MAPK10: variants seen among roughly 807,000 people sequenced by gnomAD.
MAPK10 encodes mitogen-activated protein kinase 10, also known as JNK3 alpha protein kinase.
MAPK10 carries 25 observed loss-of-function variants against 59.3 expected under a neutral mutation model. The ratio of observed to expected loss-of-function variants is 0.42; its 90% CI spans 0.31 to 0.59. MAPK10 has a LOEUF of 0.59. Ranked by LOEUF, MAPK10 falls within the 20% of genes least tolerant of loss-of-function variation. The pLI, the probability that MAPK10 is intolerant of heterozygous loss-of-function variation, is 0.15. For missense variants in MAPK10, 351 were observed against 568.9 expected (o/e 0.62, Z 3.90); for synonymous variants, 190 against 200.5 (o/e 0.95, Z 0.44).
rs1231495918 is a variant in MAPK10 at position 86,359,934 on chromosome 4, C to A, written c.-398G>T. ...TAAGCATATAGCAAGCACCACCCAC[C>A]CCCATAAAAATAAAAAGTGAAGGGG... On this transcript the variant is annotated 5_prime_UTR_variant, in exon 1 of 14. Coordinates refer to ENST00000641462, the MANE Select transcript of MAPK10 (RefSeq NM_138982.4). The A allele has an allele frequency of 1.0e-6, 1 of 985,440 alleles. No individual in the cohort carries two copies. The highest frequency in any genetic ancestry group is 1.2e-6 in the Non-Finnish European group (1 of 829,904). 61.0% of individuals were successfully genotyped at this position (985,440 alleles called of 1,614,324 possible). A position where few individuals can be genotyped will look rare whatever the true frequency, so the allele number is the denominator to read the frequency against.
intron 2 of MAPK10, among the ~76,000 whole-genome samples, chr4:86,300,041 C>T (rs1056006837): frequency 3.9e-5 from 6 of 151,900 alleles, no homozygotes; most frequent in Non-Finnish European, 5.9e-5. Flanking sequence ...TGCAGGTGTG[C>T]ACCACCACAC....
intron 13 of MAPK10, 165 bp downstream of exon 13, chr4:86,029,032 C>T: frequency 1.4e-6 from 1 of 712,164 alleles, no homozygotes; most frequent in South Asian, 1.5e-5. Flanking sequence ...GAATGCCACA[C>T]TGAATATCAA....
rs559984707 is a variant in MAPK10 at position 86,066,791 on chromosome 4, A to C, written c.985+982T>G. Among the ~76,000 whole-genome samples, 467 of 151,420 alleles carry C rather than the reference A, an allele frequency of 3.1e-3. 1 individual carries two copies. Among genetic ancestry groups the C allele is most frequent in the Middle Eastern group, 0.021 (6 of 290 alleles). On this transcript the variant is annotated intron_variant, in intron 10 of 13. Transcript: ENST00000641462. Reference sequence around the variant, plus strand: ...AAAAAAAAAAGAAAGGGCTGGGGTTACAATGGATTCTTCATGAATAGGGTC... The same window carrying C: ...AAAAAAAAAAGAAAGGGCTGGGGTTCCAATGGATTCTTCATGAATAGGGTC...
At chr4:86,306,413 T>C (rs1036767255) in intron 2 of MAPK10, among the ~76,000 whole-genome samples, 4 of 152,206 alleles carry the variant, frequency 2.6e-5, no homozygotes, top group Non-Finnish European at 5.9e-5. Context: ...GAAAATACTT[T>C]TTGACTTGCA....
chr4:86,139,015 G>C (rs1050828808), intron 4 of MAPK10, among the ~76,000 whole-genome samples: 5 of 76,162 alleles, frequency 6.6e-5, no homozygotes, highest in Non-Finnish European at 1.5e-4. Flanking sequence ...ACAAACCACT[G>C]CTCAAAGAAA....
At chr4:86,434,640 A>G (rs1748465505) in intron 1 of MAPK10, among the ~76,000 whole-genome samples, 1 of 152,242 alleles carries the variant, frequency 6.6e-6, no homozygotes, top group South Asian at 2.1e-4. Context: ...AGGACAGGCA[A>G]TAACAGTTGC....
intron 2 of MAPK10, among the ~76,000 whole-genome samples, chr4:86,257,298 G>C (rs1164370735): frequency 2.0e-5 from 3 of 152,108 alleles, no homozygotes; most frequent in African/African-American, 7.2e-5. Flanking sequence ...GCTTAGGTTA[G>C]GTTGGGTTAC....
chr4:86,386,547 T>C (rs533130390), intron 1 of MAPK10, among the ~76,000 whole-genome samples: 23 of 152,246 alleles, frequency 1.5e-4, no homozygotes, highest in African/African-American at 4.3e-4. Flanking sequence ...CTATAAATGA[T>C]AGAGATGATA....
chr4:86,312,855 C>G (rs1297197512), intron 2 of MAPK10, among the ~76,000 whole-genome samples: 1 of 152,082 alleles, frequency 6.6e-6, no homozygotes, highest in Non-Finnish European at 1.5e-5. Flanking sequence ...TTCAATTTCA[C>G]AGCAATTTCC....
At chr4:86,455,875 G>A (rs560496577), upstream of MAPK10, among the ~76,000 whole-genome samples, 9 of 152,150 alleles carry the variant, frequency 5.9e-5, no homozygotes, top group African/African-American at 2.2e-4. Context: ...ACAACACATG[G>A]AACTTTCTCC....
chr4:86,029,970 C>T (rs2043648), intron 12 of MAPK10, among the ~76,000 whole-genome samples: 37,340 of 142,598 alleles, frequency 0.26, 5,916 homozygotes, highest in African/African-American at 0.48. Context: ...TCTGTTTACT[C>T]TGTCCCTTTA....
chr4:86,048,525 C>T (rs1004678622), intron 11 of MAPK10, among the ~76,000 whole-genome samples: 1 of 152,020 alleles, frequency 6.6e-6, no homozygotes, highest in Non-Finnish European at 1.5e-5. Context: ...TCTATTAAAG[C>T]CACATGTCAT....
At chr4:86,179,434 G>C (rs893141928) in intron 3 of MAPK10, among the ~76,000 whole-genome samples, 6 of 151,948 alleles carry the variant, frequency 3.9e-5, no homozygotes, top group African/African-American at 1.2e-4. Flanking sequence ...ACTAACCAAA[G>C]CAACCTACAC....
intron 1 of MAPK10, among the ~76,000 whole-genome samples, chr4:86,359,296 G>C (rs1021965350): frequency 0.024 from 1,259 of 51,626 alleles, 9 homozygotes; most frequent in South Asian, 0.044. Context: ...CTCTGTGTGT[G>C]TGTGTGTGTG....
chr4:86,546,742 G>A (rs1759209907), intron 1 of MAPK10, among the ~76,000 whole-genome samples: 1 of 152,112 alleles, frequency 6.6e-6, no homozygotes, highest in Non-Finnish European at 1.5e-5. Flanking sequence ...GAAAATCCCA[G>A]ATGTAAACTC....
chr4:86,208,883 G>T (rs2084967543), intron 2 of MAPK10, among the ~76,000 whole-genome samples: 1 of 151,982 alleles, frequency 6.6e-6, no homozygotes, highest in African/African-American at 2.4e-5. Flanking sequence ...AAGAATTTCT[G>T]GTGACAAATC....
chr4:86,206,863 C>G (rs1413348416), intron 2 of MAPK10, among the ~76,000 whole-genome samples: 1 of 152,162 alleles, frequency 6.6e-6, no homozygotes, highest in East Asian at 1.9e-4. Flanking sequence ...AGTGTCTGTT[C>G]ATATCCTTCA....
chr4:86,101,818 C>G, intron 7 of MAPK10, 76 bp downstream of exon 7: 3 of 1,469,522 alleles, frequency 2.0e-6, no homozygotes, highest in Admixed American at 1.7e-5. Context: ...CAATGCCCCC[C>G]GTATAAAGAA....
chr4:86,397,031 G>A (rs1347239153), intron 1 of MAPK10, among the ~76,000 whole-genome samples: 1 of 151,970 alleles, frequency 6.6e-6, no homozygotes, highest in African/African-American at 2.4e-5. Context: ...GGTTCACCTT[G>A]TGGCCCACAT....
Sources: gnomAD v4.1 joint callset for allele counts (sites outside exome capture counted in the v4.1 genomes callset) on GRCh38, gnomAD v4.1.1 for gene constraint, MANE v1.5 for transcripts, NCBI Gene and HGNC (gene_info 2026-07-23, HGNC 2026-07-21) for gene names.